ZNF385D: variants seen among roughly 807,000 people sequenced by gnomAD.
The protein encoded by ZNF385D is zinc finger protein 659.
ZNF385D carries 15 observed loss-of-function variants against 35.8 expected under a neutral mutation model. The observed-to-expected ratio is 0.42, with a 90% CI of 0.28 to 0.64. The LOEUF (loss-of-function observed/expected upper bound fraction) is 0.64. ZNF385D is among the 30% of genes least tolerant of loss of function. ZNF385D has a pLI of 0.23. For synonymous variants in ZNF385D, 212 were observed against 186.8 expected, an observed-to-expected ratio of 1.13 and a Z score of -1.10; for missense variants, 474 against 494.6, an observed-to-expected ratio of 0.96 and a Z score of 0.39.
At chr3:21,488,699 A>T (rs1244309207) in intron 4 of ZNF385D, among the ~76,000 whole-genome samples, 1 of 152,094 alleles carries the variant, frequency 6.6e-6, no homozygotes, top group Non-Finnish European at 1.5e-5. Context: ...TAGAAACAGG[A>T]TAGAAATGGC....
intron 2 of ZNF385D, among the ~76,000 whole-genome samples, chr3:22,251,928 A>T (rs1465464459): frequency 6.6e-6 from 1 of 152,044 alleles, no homozygotes; most frequent in African/African-American, 2.4e-5. Flanking sequence ...ACCTCACAGG[A>T]CTCTGACCAA....
intron 2 of ZNF385D, among the ~76,000 whole-genome samples, chr3:21,631,142 T>C (rs1356580538): frequency 6.6e-6 from 1 of 152,234 alleles, no homozygotes. Flanking sequence ...CATACTCACA[T>C]GAAAACACTG....
rs1036650381 is a variant in ZNF385D at position 21,819,442 on chromosome 3, G to A, written c.326-154414C>T. Among the ~76,000 whole-genome samples, 9 of 148,950 alleles carry A rather than the reference G, an allele frequency of 6.0e-5. 1 individual carries two copies. The South Asian group carries it at 1.9e-3, about 32-fold the overall frequency. ...AGAAAGTACATACCACCCAAAACCT[G>A]ACTATTACAAAAAAAATCTAGGGCT... is the stretch of plus-strand genomic sequence containing the variant. On this transcript the variant is annotated intron_variant, in intron 3 of 5. Transcript: ENST00000494108.
chr3:22,100,005 A>G (rs1007557419), intron 3 of ZNF385D, among the ~76,000 whole-genome samples: 1 of 152,088 alleles, frequency 6.6e-6, no homozygotes, highest in Admixed American at 6.6e-5. Flanking sequence ...AAACAACCCC[A>G]TCAAAAAGTG....
intron 2 of ZNF385D, among the ~76,000 whole-genome samples, chr3:21,602,517 C>CCTTTTTTTTTTTTT (rs2064333283): frequency 1.6e-5 from 1 of 62,710 alleles, no homozygotes; most frequent in African/African-American, 7.6e-5. Flanking sequence ...CCTGCATTTT[C>CCTTTTTTTTTTTTT]TTTTTTTTTT....
chr3:21,738,902 G>T (rs1185281265), intron 1 of ZNF385D, among the ~76,000 whole-genome samples: 1 of 152,222 alleles, frequency 6.6e-6, no homozygotes, highest in East Asian at 1.9e-4. Flanking sequence ...TTGTTTTCTT[G>T]TTTAAAATAC....
intron 3 of ZNF385D, among the ~76,000 whole-genome samples, chr3:21,898,957 C>A (rs759102242): frequency 1.1e-4 from 17 of 152,074 alleles, no homozygotes; most frequent in Non-Finnish European, 2.5e-4. Context: ...AGAACGGGGT[C>A]ACATGCCATT....
chr3:21,828,642 A>G (rs1220461677), intron 3 of ZNF385D, among the ~76,000 whole-genome samples: 1 of 152,228 alleles, frequency 6.6e-6, no homozygotes, highest in Non-Finnish European at 1.5e-5. Context: ...GAGAACAGAA[A>G]TAAACCATCT....
At chr3:21,864,732 A>C (rs748509557) in intron 3 of ZNF385D, among the ~76,000 whole-genome samples, 2 of 152,104 alleles carry the variant, frequency 1.3e-5, no homozygotes, top group Non-Finnish European at 2.9e-5. Flanking sequence ...TCTCCATTCC[A>C]ATATTTATTC....
rs142159120 is a variant in ZNF385D, at chr3:21,860,390, C to T, written c.326-195362G>A. ...GGTCTCAGGCAGTAGTTTGACAACCCCCATATATCTACATGTTTACAGATT... is the reference window on the plus strand; with the variant it reads ...GGTCTCAGGCAGTAGTTTGACAACCTCCATATATCTACATGTTTACAGATT... On this transcript the variant is annotated intron_variant, in intron 3 of 5. Coordinates refer to the ZNF385D transcript ENST00000494108. 3.3e-5 allele frequency among the ~76,000 whole-genome samples: 5 copies of T among 152,160 alleles called. No individual in the cohort carries two copies. In the East Asian group the frequency reaches 9.7e-4, roughly 30 times the overall value.
chr3:21,684,525 C>A (rs1347580690), intron 1 of ZNF385D, among the ~76,000 whole-genome samples: 2 of 150,598 alleles, frequency 1.3e-5, no homozygotes, highest in Non-Finnish European at 1.5e-5. Flanking sequence ...TTTAAAAAAT[C>A]TTTAATAAGC....
intron 3 of ZNF385D, among the ~76,000 whole-genome samples, chr3:22,005,304 G>A (rs1237934193): frequency 6.6e-6 from 1 of 151,918 alleles, no homozygotes; most frequent in African/African-American, 2.4e-5. Flanking sequence ...TGAAAAGGAT[G>A]TAGATTAAAG....
At chr3:22,207,962 C>G (rs985828775) in intron 2 of ZNF385D, among the ~76,000 whole-genome samples, 5 of 151,700 alleles carry the variant, frequency 3.3e-5, no homozygotes, top group Non-Finnish European at 7.4e-5. Flanking sequence ...AAAAGGGAAC[C>G]CATGTACACT....
At chr3:21,898,340 G>T (rs1575864131) in intron 3 of ZNF385D, among the ~76,000 whole-genome samples, 1 of 152,144 alleles carries the variant, frequency 6.6e-6, no homozygotes, top group South Asian at 2.1e-4. Context: ...TCATTGTAAT[G>T]GAATTTTCCT....
intron 3 of ZNF385D, among the ~76,000 whole-genome samples, chr3:22,075,752 T>A (rs1422312073): frequency 6.6e-6 from 1 of 151,972 alleles, no homozygotes; most frequent in East Asian, 1.9e-4. Context: ...CTATCCCAGA[T>A]TTTTCTCTGA....
chr3:22,164,196 T>C (rs898571635), intron 3 of ZNF385D, among the ~76,000 whole-genome samples: 8 of 148,692 alleles, frequency 5.4e-5, no homozygotes, highest in African/African-American at 2.0e-4. Context: ...TTACACACTA[T>C]AGGTAATACA....
intron 1 of ZNF385D, among the ~76,000 whole-genome samples, chr3:21,709,485 G>GAAAACAAAACAAAAC (rs71044936): frequency 1.2e-3 from 180 of 150,200 alleles, no homozygotes; most frequent in African/African-American, 3.7e-3. Context: ...AGGCTTCTAT[G>GAAAACAAAACAAAAC]AAAACAAAAC....
chr3:22,372,360 T>C (rs1305569023), intron 2 of ZNF385D: 1 of 847,182 alleles, frequency 1.2e-6, no homozygotes, highest in Non-Finnish European at 1.4e-6. Flanking sequence ...GCGCCTGGTA[T>C]CCCGCAGGGG....
chr3:21,423,031 G>A (rs1700819162), intron 7 of ZNF385D, among the ~76,000 whole-genome samples: 1 of 152,154 alleles, frequency 6.6e-6, no homozygotes, highest in African/African-American at 2.4e-5. Flanking sequence ...CACATAAGAA[G>A]AGAAGAAGTC....
Sources: allele counts gnomAD v4.1 joint callset (sites outside exome capture counted in the v4.1 genomes callset), GRCh38; gene constraint gnomAD v4.1.1; transcripts MANE v1.5; gene names NCBI Gene and HGNC (gene_info 2026-07-23, HGNC 2026-07-21).